EPHB1: variants seen among roughly 807,000 people sequenced by gnomAD.
EPHB1 encodes EPH receptor B1, also known as ephrin type-B receptor 1.
Under a neutral mutation model 94.4 loss-of-function variants are expected in EPHB1, and 30 were observed. That is an observed-to-expected ratio of 0.32 (90% CI 0.24 to 0.43). EPHB1 has a LOEUF of 0.43. Ranked by LOEUF, EPHB1 falls within the 20% of genes least tolerant of loss-of-function variation. The pLI is 1.00. For missense variants in EPHB1, 1,055 were observed against 1,308.3 expected (o/e 0.81, Z 2.99); for synonymous variants, 522 against 489.1 (o/e 1.07, Z -0.89).
At chr3:135,112,577 C>T (rs141665671) in intron 4 of EPHB1, among the ~76,000 whole-genome samples, 2 of 121,470 alleles carry the variant, frequency 1.6e-5, no homozygotes, top group African/African-American at 3.1e-5. Context: ...GTGTGATATT[C>T]CCCTTCCTGT....
intron 3 of EPHB1, among the ~76,000 whole-genome samples, chr3:135,064,951 T>C (rs2107778821): frequency 6.6e-6 from 1 of 152,308 alleles, no homozygotes; most frequent in East Asian, 1.9e-4. Flanking sequence ...TATCTTGATT[T>C]TGTTTTTGAC....
chr3:135,106,746 C>T (rs897355286), intron 4 of EPHB1, 143 bp downstream of exon 4: 1 of 1,049,458 alleles, frequency 9.5e-7, no homozygotes, highest in Non-Finnish European at 1.4e-6. Flanking sequence ...AAACATACAA[C>T]TCCTATGCTC....
chr3:135,217,782 A>G (rs1273518401), intron 12 of EPHB1, among the ~76,000 whole-genome samples: 1 of 152,162 alleles, frequency 6.6e-6, no homozygotes, highest in African/African-American at 2.4e-5. Context: ...AATTATCTCC[A>G]AGATAATCCT....
At chr3:135,143,199 G>A (rs1405235858) in intron 5 of EPHB1, among the ~76,000 whole-genome samples, 1 of 152,226 alleles carries the variant, frequency 6.6e-6, no homozygotes, top group South Asian at 2.1e-4. Context: ...CAGTGGGAAA[G>A]TCAGAATCAA....
intron 5 of EPHB1, among the ~76,000 whole-genome samples, chr3:135,136,186 C>T (rs1940613229): frequency 6.6e-6 from 1 of 152,156 alleles, no homozygotes; most frequent in South Asian, 2.1e-4. Flanking sequence ...ATTCCAAGAG[C>T]TGTGATCTAA....
chr3:135,245,174 T>C (rs1159848267), intron 13 of EPHB1, among the ~76,000 whole-genome samples: 1 of 152,222 alleles, frequency 6.6e-6, no homozygotes, highest in Admixed American at 6.5e-5. Flanking sequence ...TGACACCTTC[T>C]GTGTGATGAG....
At chr3:135,045,208 T>G (rs1393381570) in intron 3 of EPHB1, among the ~76,000 whole-genome samples, 5 of 152,090 alleles carry the variant, frequency 3.3e-5, no homozygotes, top group Admixed American at 6.5e-5. Flanking sequence ...ATGAAACCAG[T>G]ATTGCAATGA....
chr3:135,013,496 C>G (rs967990140), intron 3 of EPHB1, among the ~76,000 whole-genome samples: 1 of 152,146 alleles, frequency 6.6e-6, no homozygotes, highest in African/African-American at 2.4e-5. Flanking sequence ...GGAGAGTTAG[C>G]GGGTGATTTA....
intron 1 of EPHB1, among the ~76,000 whole-genome samples, chr3:134,883,423 G>A (rs2037801832): frequency 6.6e-6 from 1 of 152,192 alleles, no homozygotes; most frequent in African/African-American, 2.4e-5. Context: ...AGGGTGGTGA[G>A]CATTCCGTCC....
intron 1 of EPHB1, among the ~76,000 whole-genome samples, chr3:134,853,350 G>C (rs1040986749): frequency 6.6e-6 from 1 of 152,350 alleles, no homozygotes; most frequent in Middle Eastern, 3.4e-3. Flanking sequence ...GGGCATGTAG[G>C]GGGTGGTGTG....
chr3:134,960,354 C>T (rs1272951897), intron 3 of EPHB1, among the ~76,000 whole-genome samples: 2 of 151,920 alleles, frequency 1.3e-5, no homozygotes, highest in Non-Finnish European at 2.9e-5. Context: ...AGAGGTGCAA[C>T]CTTGCCTTTC....
intron 1 of EPHB1, among the ~76,000 whole-genome samples, chr3:134,824,051 G>A (rs2036429735): frequency 6.6e-6 from 1 of 151,086 alleles, no homozygotes; most frequent in Non-Finnish European, 1.5e-5. Flanking sequence ...GCTTCAGCTT[G>A]CAAACTCAGA....
At chr3:134,936,614 G>A (rs1465194907) in intron 2 of EPHB1, among the ~76,000 whole-genome samples, 1 of 152,164 alleles carries the variant, frequency 6.6e-6, no homozygotes, top group Admixed American at 6.5e-5. Context: ...ATAGAATGAG[G>A]CTGGGGTCCC....
chr3:134,914,386 A>G (rs1486850723), intron 1 of EPHB1, among the ~76,000 whole-genome samples: 2 of 152,238 alleles, frequency 1.3e-5, no homozygotes, highest in Non-Finnish European at 2.9e-5. Flanking sequence ...GAACATTATT[A>G]CCCTCATTTA....
intron 3 of EPHB1, among the ~76,000 whole-genome samples, chr3:135,022,516 T>C (rs1352960851): frequency 6.6e-6 from 1 of 152,244 alleles, no homozygotes. Flanking sequence ...CTTTCTCAGA[T>C]GTAAACTTTG....
chr3:135,052,031 C>T (rs964313313), intron 3 of EPHB1, among the ~76,000 whole-genome samples: 19 of 152,108 alleles, frequency 1.2e-4, no homozygotes, highest in Admixed American at 8.5e-4. Flanking sequence ...ATATAGGTAA[C>T]CCAATAATGT....
rs566300834 is a variant in EPHB1, at chr3:135,036,312, G to C, written c.806-70136G>C. 2.0e-4 allele frequency among the ~76,000 whole-genome samples: 30 copies of C among 152,316 alleles called. No individual in the cohort carries two copies. In the South Asian group the frequency reaches 5.8e-3, roughly 29 times the overall value. On this transcript the variant is annotated intron_variant, in intron 3 of 15. Transcript: ENST00000398015. Reference sequence around the variant, plus strand: ...GAGGCCAGTGCAACCAAGCAGCTGGGGGTTGCTTGAATTGGACAGGGAGAA... The same window carrying C: ...GAGGCCAGTGCAACCAAGCAGCTGGCGGTTGCTTGAATTGGACAGGGAGAA...
rs549785801 is a variant in EPHB1 at position 134,864,168 on chromosome 3, C to A, written c.59-61648C>A. 8.5e-5 allele frequency among the ~76,000 whole-genome samples: 13 copies of A among 152,314 alleles called. 1 individual carries two copies. The highest frequency in any genetic ancestry group is 2.9e-4 in the African/African-American group (12 of 41,578). On this transcript the variant is annotated intron_variant, in intron 1 of 15. Coordinates refer to ENST00000398015, the MANE Select transcript of EPHB1 (RefSeq NM_004441.5). ...TTATGTGGCTCCACCAGCCTCTCTT[C>A]TGAGCCATCACTGCAGTTCATGGCT...
chr3:135,006,431 A>G (rs1430899073), intron 3 of EPHB1, among the ~76,000 whole-genome samples: 1 of 152,224 alleles, frequency 6.6e-6, no homozygotes, highest in African/African-American at 2.4e-5. Flanking sequence ...AATGGATTTA[A>G]TGCAACTAAG....
Sources: gnomAD v4.1 joint callset for allele counts (sites outside exome capture counted in the v4.1 genomes callset) on GRCh38, gnomAD v4.1.1 for gene constraint, MANE v1.5 for transcripts, NCBI Gene and HGNC (gene_info 2026-07-23, HGNC 2026-07-21) for gene names.